The following DPP10 variants were observed in gnomAD, a reference collection of about 807,000 sequenced individuals.
DPP10 encodes the protein inactive dipeptidyl peptidase 10.
In DPP10, 33 loss-of-function variants were observed where a neutral mutation model predicts 120.9. The observed-to-expected ratio is 0.27, with a 90% confidence interval of 0.21 to 0.37. The LOEUF is 0.37. DPP10 is among the 10% of genes least tolerant of loss of function. The pLI, the probability that DPP10 is intolerant of heterozygous loss-of-function variation, is 1.00. For synonymous variants in DPP10, 337 were observed against 326.1 expected (o/e 1.03, Z -0.36); for missense variants, 816 against 942.8 (o/e 0.87, Z 1.76).
chr2:114,801,136 G>A (rs1004321381), intron 1 of DPP10, among the ~76,000 whole-genome samples: 2 of 151,594 alleles, frequency 1.3e-5, no homozygotes, highest in East Asian at 1.9e-4. Context: ...GGTGGAGGGC[G>A]CCTGTAGTCC....
At chr2:115,369,554 T>C (rs1272722727) in intron 3 of DPP10, among the ~76,000 whole-genome samples, 3 of 152,014 alleles carry the variant, frequency 2.0e-5, no homozygotes, top group Non-Finnish European at 4.4e-5. Flanking sequence ...GATAAAGCTG[T>C]GGGCAAATAT....
At chr2:115,119,384 G>A (rs1288300580) in intron 1 of DPP10, among the ~76,000 whole-genome samples, 1 of 152,190 alleles carries the variant, frequency 6.6e-6, no homozygotes, top group Non-Finnish European at 1.5e-5. Flanking sequence ...GGTGTTGGCT[G>A]TGGCCAATTA....
chr2:115,323,520 G>A lies in DPP10; in HGVS notation c.175+14167G>A, dbSNP rs1263404981. On this transcript the variant is annotated intron_variant, in intron 2 of 25. Coordinates refer to ENST00000410059, the MANE Select transcript of DPP10 (RefSeq NM_020868.6). ...ACATAAATCACAAATGTTCTTAATG[G>A]CATCTAGAAATGTGAATTATTTCCA... 2.0e-5 allele frequency among the ~76,000 whole-genome samples: 3 copies of A among 152,162 alleles called. No individual in the cohort carries two copies. In the South Asian group the frequency reaches 6.2e-4, roughly 31 times the overall value.
In DPP10 at chr2:115,802,015, C is replaced by T. The variant is rs976057194; in HGVS notation, c.1700+10659C>T. Among the ~76,000 whole-genome samples the T allele has an allele frequency of 5.8e-4, 88 of 152,212 alleles. 2 individuals carry two copies. Among genetic ancestry groups the T allele is most frequent in the African/African-American group, 2.0e-3 (83 of 41,530 alleles). Reference sequence around the variant, plus strand: ...ATAGTTTCAGAAGGAATGGTACCAGCTCCTCCTTGTACCTCTGGTAGAATT... The same window carrying T: ...ATAGTTTCAGAAGGAATGGTACCAGTTCCTCCTTGTACCTCTGGTAGAATT... On this transcript the variant is annotated intron_variant, in intron 19 of 25. Transcript: ENST00000410059.
At chr2:114,932,047 C>T (rs1473915707) in intron 1 of DPP10, among the ~76,000 whole-genome samples, 2 of 152,126 alleles carry the variant, frequency 1.3e-5, no homozygotes, top group Non-Finnish European at 2.9e-5. Flanking sequence ...GTTTTAGAAT[C>T]TTGCTGGCAA....
At chr2:115,163,131 T>C (rs2052560590) in intron 1 of DPP10, among the ~76,000 whole-genome samples, 1 of 152,140 alleles carries the variant, frequency 6.6e-6, no homozygotes, top group African/African-American at 2.4e-5. Flanking sequence ...AGCTTATTGC[T>C]AGCGTGGGAT....
chr2:115,315,846 A>G (rs1455862352), intron 2 of DPP10, among the ~76,000 whole-genome samples: 6 of 152,152 alleles, frequency 3.9e-5, no homozygotes, highest in Non-Finnish European at 7.4e-5. Context: ...CCTGGATAAT[A>G]TGGATTGTTG....
intron 1 of DPP10, among the ~76,000 whole-genome samples, chr2:114,624,100 A>T (rs1237904226): frequency 3.9e-5 from 6 of 152,036 alleles, no homozygotes; most frequent in Non-Finnish European, 8.8e-5. Flanking sequence ...GTGAATAGGT[A>T]TATTCACAAA....
At chr2:114,881,457 G>GTCTATCTATCTATCTATCTATCTATCTA (rs56811813) in intron 1 of DPP10, among the ~76,000 whole-genome samples, 3 of 144,214 alleles carry the variant, frequency 2.1e-5, no homozygotes, top group Non-Finnish European at 3.0e-5. Context: ...CTGTCTGTCT[G>GTCTATCTATCTATCTATCTATCTATCTA]TCTATCTATC....
intron 1 of DPP10, among the ~76,000 whole-genome samples, chr2:115,130,485 CATCCATCCATCCATCT>C (rs1203596911): frequency 2.3e-4 from 32 of 140,668 alleles, no homozygotes; most frequent in African/African-American, 8.1e-4. Context: ...TCCATCCATG[CATCCATCCATCCATCT>C]ATCCATCCAT....
intron 19 of DPP10, among the ~76,000 whole-genome samples, chr2:115,810,729 G>A (rs772816795): frequency 1.2e-4 from 19 of 152,108 alleles, no homozygotes; most frequent in South Asian, 2.1e-4. Flanking sequence ...TCTTTTCACC[G>A]CAACTTTCAA....
chr2:115,353,964 T>A (rs2106318367), intron 3 of DPP10, among the ~76,000 whole-genome samples: 1 of 152,266 alleles, frequency 6.6e-6, no homozygotes, highest in Non-Finnish European at 1.5e-5. Flanking sequence ...GAAAAGTAGA[T>A]AAGAATAAGG....
At position 114,557,106 on chromosome 2, in the gene DPP10, T is replaced by C. The variant is rs139559869; in HGVS notation, c.60+114268T>C. ...AGTTAAAATAAATTATAGAACAATA[T>C]GTAATCATAAAGAGGTGAGAAAAGT... On this transcript the variant is annotated intron_variant, in intron 1 of 25. Coordinates refer to ENST00000410059, the MANE Select transcript of DPP10 (RefSeq NM_020868.6). Among the ~76,000 whole-genome samples the C allele has an allele frequency of 4.4e-3, 674 of 151,630 alleles. 5 individuals carry two copies. The highest frequency in any genetic ancestry group is 0.016 in the African/African-American group (654 of 41,280).
intron 5 of DPP10, among the ~76,000 whole-genome samples, chr2:115,673,767 T>C (rs1386174739): frequency 6.6e-6 from 1 of 152,234 alleles, no homozygotes; most frequent in Non-Finnish European, 1.5e-5. Context: ...GAGGAGATTG[T>C]AAAACATCTG....
intron 1 of DPP10, among the ~76,000 whole-genome samples, chr2:115,226,092 G>A (rs991203855): frequency 6.6e-6 from 1 of 152,110 alleles, no homozygotes; most frequent in Non-Finnish European, 1.5e-5. Flanking sequence ...CATACAGGCT[G>A]CACATGCTAA....
At chr2:115,797,740 T>C (rs1450663656) in intron 19 of DPP10, among the ~76,000 whole-genome samples, 1 of 151,982 alleles carries the variant, frequency 6.6e-6, no homozygotes, top group Non-Finnish European at 1.5e-5. Context: ...TTTAAACTTG[T>C]TCTTTCACAA....
rs188291795 is a variant in DPP10, at chr2:115,358,183, A to G, written c.271+14271A>G. On this transcript the variant is annotated intron_variant, in intron 3 of 25. Coordinates refer to ENST00000410059, the MANE Select transcript of DPP10 (RefSeq NM_020868.6). Reference sequence around the variant, plus strand: ...AAAATGGGTTTTTCTTTTCTATCATATCATCAGGCTACAAATTCCCAGGCT... The same window carrying G: ...AAAATGGGTTTTTCTTTTCTATCATGTCATCAGGCTACAAATTCCCAGGCT... Among the ~76,000 whole-genome samples, 7 of 152,118 alleles carry G rather than the reference A, an allele frequency of 4.6e-5. No homozygotes were observed. The East Asian group carries it at 1.4e-3, about 29-fold the overall frequency.
chr2:115,314,979 A>G (rs2061723692), intron 2 of DPP10, among the ~76,000 whole-genome samples: 2 of 152,170 alleles, frequency 1.3e-5, no homozygotes, highest in Non-Finnish European at 2.9e-5. Context: ...ACACCAGTTT[A>G]AAGGAAGTAG....
intron 12 of DPP10, among the ~76,000 whole-genome samples, chr2:115,763,391 T>G (rs1575709643): frequency 6.6e-6 from 1 of 152,304 alleles, no homozygotes; most frequent in South Asian, 2.1e-4. Context: ...TCTGTAAAAG[T>G]AGCTTCATAC....
Sources: allele counts gnomAD v4.1 joint callset (sites outside exome capture counted in the v4.1 genomes callset), GRCh38; gene constraint gnomAD v4.1.1; transcripts MANE v1.5; gene names NCBI Gene and HGNC (gene_info 2026-07-23, HGNC 2026-07-21).